The following CCSER2 variants were observed in gnomAD, a reference collection of about 807,000 sequenced individuals.
CCSER2 encodes coiled-coil serine rich protein 2.
CCSER2 carries 46 observed loss-of-function variants against 92.3 expected under a neutral mutation model. The ratio of observed to expected loss-of-function variants is 0.50; its 90% confidence interval spans 0.39 to 0.64. The LOEUF is 0.64. CCSER2 is among the 30% of genes least tolerant of loss of function. CCSER2 has a pLI of 0.00. For synonymous variants in CCSER2, 433 were observed against 431.4 expected, an observed-to-expected ratio of 1.00 and a Z score of -0.04; for missense variants, 1,244 against 1,238.9, an observed-to-expected ratio of 1.00 and a Z score of -0.06.
chr10:84,339,568 C>T (rs978591649), intron 1 of CCSER2, among the ~76,000 whole-genome samples: 10 of 151,658 alleles, frequency 6.6e-5, no homozygotes, highest in South Asian at 2.1e-4. Context: ...CTCTGTCTCC[C>T]GGGTTCAAGT....
At chr10:84,494,557 T>A (rs1462346713) in intron 9 of CCSER2, among the ~76,000 whole-genome samples, 1 of 152,172 alleles carries the variant, frequency 6.6e-6, no homozygotes, top group Non-Finnish European at 1.5e-5. Context: ...CTGATTCAAA[T>A]GCTTCTATTT....
rs61739462 is a variant in CCSER2 at position 84,477,575 on chromosome 10, G to A, written c.2236G>A (p.Ala746Thr). The change falls in exon 9 of 10, where the codon GCA becomes ACA. Residue 746 changes from alanine to threonine, a missense_variant and splice_region_variant. Transcript: ENST00000372088. ...EKIQLLELQL[A>T]TQHICHQKCK... is the part of the protein sequence containing the mutation. ...GTAAAAATTTTGTGTTTTTGTTTAGGCAACTCAGCATATCTGCCACCAAAA... is the reference window on the plus strand; with the variant it reads ...GTAAAAATTTTGTGTTTTTGTTTAGACAACTCAGCATATCTGCCACCAAAA... The A allele has an allele frequency of 4.4e-3, 7,061 of 1,597,132 alleles. 276 individuals carry two copies. In the African/African-American group the frequency reaches 0.082, roughly 19 times the overall value.
chr10:84,374,477 G>A (rs527769516), intron 3 of CCSER2, among the ~76,000 whole-genome samples: 12 of 152,256 alleles, frequency 7.9e-5, no homozygotes, highest in Non-Finnish European at 1.3e-4. Flanking sequence ...CAGAGGAAGA[G>A]AGTGCCAGAG....
intron 6 of CCSER2, among the ~76,000 whole-genome samples, chr10:84,448,382 G>C (rs1197130271): frequency 6.6e-6 from 1 of 151,778 alleles, no homozygotes; most frequent in Admixed American, 6.6e-5. Flanking sequence ...CACCCCTCAT[G>C]GATACTGTTT....
intron 9 of CCSER2, among the ~76,000 whole-genome samples, chr10:84,512,807 G>C (rs1849432156): frequency 6.6e-6 from 1 of 152,180 alleles, no homozygotes; most frequent in South Asian, 2.1e-4. Flanking sequence ...TAATAGGAGT[G>C]AGACAGAACA....
intron 4 of CCSER2, among the ~76,000 whole-genome samples, chr10:84,418,422 T>C (rs1453165910): frequency 2.6e-5 from 4 of 152,056 alleles, no homozygotes. Flanking sequence ...ATAGCACTTG[T>C]AGGATTTTTT....
chr10:84,452,745 A>C (rs1286005696), intron 6 of CCSER2, among the ~76,000 whole-genome samples: 2 of 152,200 alleles, frequency 1.3e-5, no homozygotes, highest in African/African-American at 4.8e-5. Flanking sequence ...AGTATGTATA[A>C]TGTGAAACAT....
At chr10:84,498,720 G>A (rs1160963391) in intron 9 of CCSER2, among the ~76,000 whole-genome samples, 1 of 152,110 alleles carries the variant, frequency 6.6e-6, no homozygotes, top group Non-Finnish European at 1.5e-5. Context: ...AGATTTAACT[G>A]GGTATGATCA....
At chr10:84,427,321 C>T (rs377141362) in intron 5 of CCSER2, among the ~76,000 whole-genome samples, 186 of 152,048 alleles carry the variant, frequency 1.2e-3, no homozygotes, top group Non-Finnish European at 2.2e-3. Context: ...TTTTGAGACA[C>T]CTACATCCAC....
At chr10:84,448,094 T>A (rs1272855731) in intron 6 of CCSER2, among the ~76,000 whole-genome samples, 1 of 152,008 alleles carries the variant, frequency 6.6e-6, no homozygotes, top group Non-Finnish European at 1.5e-5. Flanking sequence ...CCAATCCCCA[T>A]CTCCAGATGG....
At position 84,491,795 on chromosome 10, in the gene CCSER2, G is replaced by T. The variant is rs189079645; in HGVS notation, c.2325+14131G>T. Among the ~76,000 whole-genome samples, 410 of 152,252 alleles carry T rather than the reference G, an allele frequency of 2.7e-3. 3 individuals carry two copies. Among genetic ancestry groups the T allele is most frequent in the African/African-American group, 9.1e-3 (377 of 41,538 alleles). On this transcript the variant is annotated intron_variant, in intron 9 of 9. Transcript: ENST00000372088. ...CCAGTGAGATGAAACTGGTACCTCA[G>T]TTGGAAATGCAGAAATCACCCCTCT...
intron 9 of CCSER2, among the ~76,000 whole-genome samples, chr10:84,491,675 C>A (rs938094049): frequency 2.0e-5 from 3 of 152,210 alleles, no homozygotes; most frequent in Middle Eastern, 6.8e-3. Flanking sequence ...ATTCCTTGAC[C>A]CCTTGTGCTT....
intron 1 of CCSER2, among the ~76,000 whole-genome samples, chr10:84,367,718 T>G (rs1475830546): frequency 6.6e-6 from 1 of 151,938 alleles, no homozygotes. Context: ...TTTTTTTTTT[T>G]TTTCTTTCAA....
chr10:84,356,371 A>G (rs1243792261), intron 1 of CCSER2, among the ~76,000 whole-genome samples: 1 of 152,176 alleles, frequency 6.6e-6, no homozygotes. Flanking sequence ...CTTTTAAAAA[A>G]TGTTAAGGTA....
chr10:84,459,651 T>G (rs1405331463), intron 6 of CCSER2, among the ~76,000 whole-genome samples: 2 of 152,114 alleles, frequency 1.3e-5, no homozygotes, highest in African/African-American at 4.8e-5. Flanking sequence ...TTCTCCCAAT[T>G]AGCTGGGACT....
chr10:84,410,614 G>C (rs1842600228), intron 3 of CCSER2, among the ~76,000 whole-genome samples: 1 of 152,074 alleles, frequency 6.6e-6, no homozygotes, highest in African/African-American at 2.4e-5. Flanking sequence ...GGGATTGTTT[G>C]CTTATTTTCT....
chr10:84,400,739 C>G (rs1258847551), intron 3 of CCSER2, among the ~76,000 whole-genome samples: 1 of 151,834 alleles, frequency 6.6e-6, no homozygotes, highest in African/African-American at 2.4e-5. Flanking sequence ...CATGACGAAT[C>G]CTCATCTCTA....
intron 6 of CCSER2, among the ~76,000 whole-genome samples, chr10:84,452,892 A>AT (rs1335102887): frequency 1.3e-5 from 2 of 151,186 alleles, no homozygotes; most frequent in East Asian, 3.9e-4. Flanking sequence ...TTAGTCAAGG[A>AT]TTAATAGAGA....
chr10:84,391,913 A>T, intron 3 of CCSER2: 1 of 1,350,458 alleles, frequency 7.4e-7, no homozygotes, highest in Admixed American at 1.7e-5. Flanking sequence ...AACCCAAAAG[A>T]TGATCTCAGA....
Sources: allele counts gnomAD v4.1 joint callset (sites outside exome capture counted in the v4.1 genomes callset), GRCh38; gene constraint gnomAD v4.1.1; transcripts MANE v1.5; gene names NCBI Gene and HGNC (gene_info 2026-07-23, HGNC 2026-07-21).